SOAT2: variants seen among roughly 807,000 people sequenced by gnomAD.
SOAT2 encodes the protein ACAT-2.
Under a neutral mutation model 76.0 loss-of-function variants are expected in SOAT2, and 87 were observed. The observed-to-expected ratio is 1.14, with a 90% CI of 0.96 to 1.37. The LOEUF (loss-of-function observed/expected upper bound fraction) is 1.37, where lower values mean the gene tolerates loss of function less well. Among genes scored for constraint, SOAT2 ranks in the 40% most tolerant of loss-of-function variants. SOAT2 has a pLI of 0.00. For missense variants in SOAT2, 686 were observed against 682.1 expected, an observed-to-expected ratio of 1.01 and a Z score of -0.06; for synonymous variants, 285 against 275.4, an observed-to-expected ratio of 1.03 and a Z score of -0.34.
At position 53,112,779 on chromosome 12, in the gene SOAT2, C is replaced by CTTT. The variant is rs71095978; in HGVS notation, c.444-2594_444-2592dup. 4.5e-3 allele frequency among the ~76,000 whole-genome samples: 565 copies of CTTT among 125,696 alleles called. 6 individuals are homozygous for CTTT. The highest frequency in any genetic ancestry group is 7.2e-3 in the Non-Finnish European group (441 of 60,940). 82.5% of individuals were successfully genotyped at this position (125,696 alleles called of 152,430 possible). A position where few individuals can be genotyped will look rare whatever the true frequency, so the allele number is the denominator to read the frequency against. On this transcript the variant is annotated intron_variant, in intron 5 of 14. Coordinates refer to ENST00000301466, the MANE Select transcript of SOAT2 (RefSeq NM_003578.4). ...CCTCCCATTTTCTTTTTTTTCTTTC[C>CTTT]TTTTTTTTTTTTTTTTTTTAAGACA...
At chr12:53,111,552 A>G (rs1346821878) in intron 5 of SOAT2, among the ~76,000 whole-genome samples, 2 of 152,252 alleles carry the variant, frequency 1.3e-5, no homozygotes, top group South Asian at 2.1e-4. Flanking sequence ...TCATTAAACA[A>G]TATTAATGTT....
chr12:53,105,680 G>A, intron 4 of SOAT2, 60 bp downstream of exon 4: 2 of 1,477,668 alleles, frequency 1.4e-6, no homozygotes, highest in South Asian at 2.3e-5. Context: ...TAGGGGTCAA[G>A]GTACCTCATT....
chr12:53,104,043 G>T (rs1470618658), intron 1 of SOAT2, 108 bp from the exon 2 acceptor site: 51 of 937,284 alleles, frequency 5.4e-5, no homozygotes, highest in Non-Finnish European at 8.5e-5. Context: ...GCTGGTTGGG[G>T]TGAGGGCAGC....
chr12:53,119,384 T>C (rs1938155764), intron 10 of SOAT2, 131 bp downstream of exon 10: 1 of 969,428 alleles, frequency 1.0e-6, no homozygotes, highest in Non-Finnish European at 1.5e-6. Context: ...TGTCCCCTCC[T>C]ATCAGGGCCA....
At position 53,115,564 on chromosome 12, in the gene SOAT2, C is replaced by T. The variant is rs1269380838; in HGVS notation, c.618C>T (p.Ala206=). The change falls in exon 6 of 15, where the codon GCC becomes GCT. Residue 206 remains alanine (A), a synonymous_variant. Transcript: ENST00000301466. ...GCCTGGGCTGTGCGCTGCTAGCCGCCCACGCCGTGGTGCTCTGCGCGCTGC... is the reference window on the plus strand; with the variant it reads ...GCCTGGGCTGTGCGCTGCTAGCCGCTCACGCCGTGGTGCTCTGCGCGCTGC... ...ATGLGCALLA[A]HAVVLCALPV... is the part of the protein sequence containing the mutation. 2 of 1,590,732 alleles carry T rather than the reference C, an allele frequency of 1.3e-6. No homozygotes were observed. Among genetic ancestry groups the T allele is most frequent in the South Asian group, 2.2e-5 (2 of 90,218 alleles).
chr12:53,124,368 A>C lies in SOAT2; in HGVS notation c.*245A>C. 1.7e-6 allele frequency: 1 copy of C among 580,538 alleles called. No homozygotes were observed. Among genetic ancestry groups the C allele is most frequent in the Non-Finnish European group, 3.1e-6 (1 of 324,730 alleles). The allele number at this position is 580,538 out of a possible 1,614,324, so 36.0% of individuals were successfully genotyped here. On this transcript the variant is annotated 3_prime_UTR_variant, in exon 15 of 15. Transcript: ENST00000301466. Reference sequence around the variant, plus strand: ...CCTATCCCCATGGGCTGGGTACAGGATATCCTCCTACCCCATGACTGTCTT... The same window carrying C: ...CCTATCCCCATGGGCTGGGTACAGGCTATCCTCCTACCCCATGACTGTCTT...
In SOAT2 at chr12:53,118,429, C is replaced by A. The variant is rs1444641284; in HGVS notation, c.858C>A (p.Tyr286Ter). 1 of 1,611,772 alleles carries A rather than the reference C, an allele frequency of 6.2e-7. No homozygotes were observed. Among genetic ancestry groups the A allele is most frequent in the East Asian group, 2.2e-5 (1 of 44,854 alleles). ...FCPTLIYRET[Y>*]PRTPYVRWNY... Reference sequence around the variant, plus strand: ...CAACACTCATCTACAGGGAGACTTACCCTAGGTAAGACCCTGCACTCCTTC... The same window carrying A: ...CAACACTCATCTACAGGGAGACTTAACCTAGGTAAGACCCTGCACTCCTTC... Residue 286 changes from tyrosine (Y) to a stop codon, truncating the protein, a stop_gained, in exon 8 of 15, where the codon TAC (tyrosine) becomes TAA (stop). Coordinates refer to ENST00000301466, the MANE Select transcript of SOAT2 (RefSeq NM_003578.4). LOFTEE classifies it high-confidence loss of function.
intron 7 of SOAT2, among the ~76,000 whole-genome samples, chr12:53,117,062 G>A (rs975316587): frequency 9.3e-5 from 14 of 150,596 alleles, no homozygotes; most frequent in Admixed American, 1.3e-4. Flanking sequence ...GGGTTCAAGC[G>A]ATTCTCCTGC....
chr12:53,121,480 A>G, intron 12 of SOAT2, 79 bp downstream of exon 12: 1 of 1,211,188 alleles, frequency 8.3e-7, no homozygotes, highest in South Asian at 1.2e-5. Context: ...CTCCTGCTAC[A>G]GTGTGGCAAC....
chr12:53,117,198 T>C (rs2121293143), intron 7 of SOAT2, among the ~76,000 whole-genome samples: 1 of 151,432 alleles, frequency 6.6e-6, no homozygotes, highest in South Asian at 2.1e-4. Flanking sequence ...TGACCTCCAG[T>C]GATCCACCCA....
chr12:53,106,044 C>A (rs1330486510), intron 5 of SOAT2, 30 bp downstream of exon 5: 1 of 1,510,774 alleles, frequency 6.6e-7, no homozygotes, highest in Non-Finnish European at 9.2e-7. Flanking sequence ...GGGACAGGCA[C>A]ACCTATCTGA....
chr12:53,123,718 C>T lies in SOAT2; in HGVS notation c.1373-10C>T, dbSNP rs1159762541. 1.2e-6 allele frequency: 2 copies of T among 1,614,134 alleles called. No homozygotes were observed. Among genetic ancestry groups the T allele is most frequent in the South Asian group, 1.1e-5 (1 of 91,082 alleles). On this transcript the variant is annotated splice_polypyrimidine_tract_variant and intron_variant, in intron 13 of 14. Coordinates refer to ENST00000301466, the MANE Select transcript of SOAT2 (RefSeq NM_003578.4). Reference sequence around the variant, plus strand: ...TGGAGCTGGAATGACAACCTTTCCTCCTGCACCAGGAATGTTGAACTTCAT... The same window carrying T: ...TGGAGCTGGAATGACAACCTTTCCTTCTGCACCAGGAATGTTGAACTTCAT...
At chr12:53,115,759 C>A (rs145264313) in intron 6 of SOAT2, 105 bp downstream of exon 6, 3 of 1,337,984 alleles carry the variant, frequency 2.2e-6, no homozygotes, top group Non-Finnish European at 3.0e-6. Flanking sequence ...GAGAGGGAGG[C>A]GCTGGAGAAG....
In SOAT2 at chr12:53,123,773, G is replaced by T. The variant is rs2121310460; in HGVS notation, c.1418G>T (p.Trp473Leu). The change falls in exon 14 of 15, where the codon TGG becomes TTG. Residue 473 changes from tryptophan to leucine, a missense_variant. By Grantham distance (61) the Trp-to-Leu change is moderately conservative. Coordinates refer to ENST00000301466, the MANE Select transcript of SOAT2 (RefSeq NM_003578.4). ...MMHDQRTGPA[W>L]NVLMWTMLFL... ...CATGACCAGCGCACCGGCCCGGCAT[G>T]GAACGTGCTGATGTGGACCATGCTG... is the stretch of plus-strand genomic sequence containing the variant. 6.2e-7 allele frequency: 1 copy of T among 1,614,162 alleles called. No homozygotes were observed. Among genetic ancestry groups the T allele is most frequent in the East Asian group, 2.2e-5 (1 of 44,876 alleles).
chr12:53,108,937 C>A (rs1460463018), intron 5 of SOAT2, among the ~76,000 whole-genome samples: 1 of 152,156 alleles, frequency 6.6e-6, no homozygotes, highest in Admixed American at 6.5e-5. Flanking sequence ...CTGTAGCACA[C>A]AACAATTTAA....
intron 12 of SOAT2, among the ~76,000 whole-genome samples, chr12:53,121,910 C>T (rs1300891208): frequency 7.0e-6 from 1 of 143,172 alleles, no homozygotes; most frequent in African/African-American, 2.6e-5. Flanking sequence ...TGGGTTCAAG[C>T]GATTCTTCTG....
intron 7 of SOAT2, 121 bp from the exon 8 acceptor site, chr12:53,118,229 T>TCCCCC: frequency 5.6e-6 from 3 of 531,444 alleles, no homozygotes; most frequent in Admixed American, 3.2e-5. Flanking sequence ...TCCTTGCTTA[T>TCCCCC]CCCCCACCCC....
intron 14 of SOAT2, 62 bp from the exon 15 acceptor site, chr12:53,124,011 T>C (rs1301629484): frequency 6.2e-7 from 1 of 1,608,448 alleles, no homozygotes; most frequent in African/African-American, 1.3e-5. Context: ...TCTCACGTCT[T>C]GGATGCATGG....
intron 1 of SOAT2, 90 bp downstream of exon 1, chr12:53,103,749 A>C: frequency 9.3e-7 from 1 of 1,076,796 alleles, no homozygotes; most frequent in Non-Finnish European, 1.3e-6. Context: ...CAACTGCCTG[A>C]TGCCAATCCT....
Sources: gnomAD v4.1 joint callset for allele counts (sites outside exome capture counted in the v4.1 genomes callset) on GRCh38, gnomAD v4.1.1 for gene constraint, MANE v1.5 for transcripts, NCBI Gene and HGNC (gene_info 2026-07-23, HGNC 2026-07-21) for gene names.